The following GNAL variants were observed in gnomAD, a reference collection of about 807,000 sequenced individuals.
GNAL encodes the protein guanine nucleotide-binding protein G(olf) subunit alpha.
Under a neutral mutation model 55.1 loss-of-function variants are expected in GNAL, and 18 were observed. The ratio of observed to expected loss-of-function variants is 0.33; its 90% CI spans 0.23 to 0.48. The LOEUF is 0.48. GNAL is among the 20% of genes least tolerant of loss of function. The pLI is 0.99. For synonymous variants in GNAL, 253 were observed against 237.0 expected, an observed-to-expected ratio of 1.07 and a Z score of -0.62; for missense variants, 412 against 614.1, an observed-to-expected ratio of 0.67 and a Z score of 3.48.
intron 4 of GNAL, among the ~76,000 whole-genome samples, chr18:11,782,477 A>G (rs1039714784): frequency 2.6e-5 from 4 of 152,222 alleles, no homozygotes; most frequent in Non-Finnish European, 4.4e-5. Flanking sequence ...ACTAAGTACT[A>G]TATTGTTTAA....
At chr18:11,876,369 G>C (rs1482242120) in intron 10 of GNAL, among the ~76,000 whole-genome samples, 3 of 152,172 alleles carry the variant, frequency 2.0e-5, no homozygotes, top group African/African-American at 7.2e-5. Flanking sequence ...AGGCTGAGGT[G>C]GGAGAATCAC....
chr18:11,717,075 T>TCC lies in GNAL; in HGVS notation c.376+27139_376+27140dup. Among the ~76,000 whole-genome samples, 2 of 152,264 alleles carry TCC rather than the reference T, an allele frequency of 1.3e-5. 1 individual carries two copies. Among genetic ancestry groups the TCC allele is most frequent in the Middle Eastern group, 6.8e-3 (2 of 294 alleles). On this transcript the variant is annotated intron_variant, in intron 1 of 11. Coordinates refer to ENST00000334049, the MANE Select transcript of GNAL (RefSeq NM_182978.4). ...AGGCTCACGCATGGCGGGCTGCAGG[T>TCC]CCCCAGCCCTGCCACGCGGGAAGGC...
intron 5 of GNAL, among the ~76,000 whole-genome samples, chr18:11,833,844 C>T (rs1345752552): frequency 2.6e-5 from 4 of 152,154 alleles, no homozygotes; most frequent in Non-Finnish European, 5.9e-5. Flanking sequence ...AGAAATGGAA[C>T]GCTTCGTCAC....
intron 10 of GNAL, among the ~76,000 whole-genome samples, chr18:11,875,359 A>G (rs1247577961): frequency 6.6e-6 from 1 of 152,200 alleles, no homozygotes; most frequent in Non-Finnish European, 1.5e-5. Flanking sequence ...TGCTGTAACA[A>G]AATACCTTAG....
At chr18:11,806,052 A>C (rs1479340682) in intron 4 of GNAL, among the ~76,000 whole-genome samples, 1 of 152,226 alleles carries the variant, frequency 6.6e-6, no homozygotes, top group Admixed American at 6.5e-5. Context: ...GACTGCTATA[A>C]GATGATATCT....
intron 4 of GNAL, among the ~76,000 whole-genome samples, chr18:11,797,212 G>C (rs1418624719): frequency 6.6e-6 from 1 of 152,172 alleles, no homozygotes; most frequent in Non-Finnish European, 1.5e-5. Flanking sequence ...GATTACAGGC[G>C]TGAGCCACCG....
intron 4 of GNAL, among the ~76,000 whole-genome samples, chr18:11,807,693 G>A (rs1312857319): frequency 6.6e-6 from 1 of 152,208 alleles, no homozygotes; most frequent in Non-Finnish European, 1.5e-5. Context: ...TCCATTTGGA[G>A]TCACTAGTAT....
chr18:11,842,065 C>T (rs1389877634), intron 5 of GNAL, among the ~76,000 whole-genome samples: 11 of 151,976 alleles, frequency 7.2e-5, no homozygotes, highest in South Asian at 2.1e-4. Flanking sequence ...CTTCGCCTCC[C>T]GGGTTCAAGC....
intron 5 of GNAL, chr18:11,857,490 A>G (rs751402530): frequency 2.0e-6 from 2 of 985,608 alleles, no homozygotes; most frequent in African/African-American, 1.7e-5. Context: ...TGGAGGCCAC[A>G]TTAAAAGTGT....
intron 1 of GNAL, among the ~76,000 whole-genome samples, chr18:11,716,933 G>T (rs868225980): frequency 2.0e-5 from 3 of 152,214 alleles, no homozygotes; most frequent in Admixed American, 1.3e-4. Flanking sequence ...TGCCAGTCCC[G>T]CACGGTTGTG....
chr18:11,877,442 G>A (rs369765562), intron 11 of GNAL, among the ~76,000 whole-genome samples: 10 of 151,894 alleles, frequency 6.6e-5, no homozygotes, highest in South Asian at 2.1e-4. Context: ...CCGACAGAGC[G>A]AGACTCTGTC....
intron 5 of GNAL, among the ~76,000 whole-genome samples, chr18:11,845,921 G>A (rs1052648158): frequency 2.0e-5 from 3 of 152,108 alleles, no homozygotes; most frequent in Non-Finnish European, 4.4e-5. Context: ...CCAGGAAAAC[G>A]CCACTTAAAT....
At chr18:11,802,737 G>A (rs1022055637) in intron 4 of GNAL, among the ~76,000 whole-genome samples, 1 of 152,198 alleles carries the variant, frequency 6.6e-6, no homozygotes, top group East Asian at 1.9e-4. Context: ...ACAGTGTGTT[G>A]ATGGCTGATG....
intron 5 of GNAL, among the ~76,000 whole-genome samples, chr18:11,860,162 C>G (rs184835024): frequency 7.2e-5 from 11 of 152,180 alleles, no homozygotes; most frequent in Non-Finnish European, 1.3e-4. Context: ...GTCACAGTTG[C>G]CCCCACTGTT....
intron 5 of GNAL, among the ~76,000 whole-genome samples, chr18:11,848,919 G>A (rs1369549656): frequency 6.6e-6 from 1 of 151,966 alleles, no homozygotes; most frequent in Non-Finnish European, 1.5e-5. Flanking sequence ...CCTTATTACT[G>A]GTCCCAATAC....
intron 5 of GNAL, among the ~76,000 whole-genome samples, chr18:11,846,296 A>G (rs1185461910): frequency 6.6e-6 from 1 of 152,098 alleles, no homozygotes; most frequent in Non-Finnish European, 1.5e-5. Context: ...AAGAGGAATA[A>G]TAAACCGTGC....
chr18:11,761,417 ACCTCC>A (rs2033239705), intron 4 of GNAL, among the ~76,000 whole-genome samples: 1 of 151,494 alleles, frequency 6.6e-6, no homozygotes, highest in Non-Finnish European at 1.5e-5. Context: ...GTTACCATGG[ACCTCC>A]CTTCCTGCCT....
intron 4 of GNAL, among the ~76,000 whole-genome samples, chr18:11,798,702 A>T (rs771086069): frequency 6.6e-6 from 1 of 152,212 alleles, no homozygotes; most frequent in Admixed American, 6.5e-5. Context: ...AAAGATGTTA[A>T]ATGCCTTCAT....
rs2032825595 is a variant in GNAL at position 11,751,522 on chromosome 18, G to GGATCCTCCTCCCTGCTAGAATATGCAT, written c.377-1322_377-1296dup. 2 of 985,416 alleles carry GGATCCTCCTCCCTGCTAGAATATGCAT rather than the reference G, an allele frequency of 2.0e-6. No homozygotes were observed. The highest frequency in any genetic ancestry group is 2.4e-6 in the Non-Finnish European group (2 of 830,010). 61.0% of individuals were successfully genotyped at this position (985,416 alleles called of 1,614,324 possible). On this transcript the variant is annotated intron_variant, in intron 1 of 11. Transcript: ENST00000334049. This position sits in a 1 kb window ranked among gnomAD's most constrained non-coding sequence, Gnocchi z 4.5. ...GCGGTGTGACTGGTGAGCCTCGGAG[G>GGATCCTCCTCCCTGCTAGAATATGCAT]GATCCTCCTCCCTGCTAGAATATGC... is the stretch of plus-strand genomic sequence containing the variant.
Sources: gnomAD v4.1 joint callset for allele counts (sites outside exome capture counted in the v4.1 genomes callset) on GRCh38, gnomAD v4.1.1 for gene constraint, Gnocchi (gnomAD v3.1) non-coding constraint, MANE v1.5 for transcripts, NCBI Gene and HGNC (gene_info 2026-07-23, HGNC 2026-07-21) for gene names.